ATP8B3: variants seen among roughly 807,000 people sequenced by gnomAD.
ATP8B3 encodes the protein phospholipid-transporting ATPase IK.
ATP8B3 carries 141 observed loss-of-function variants against 140.9 expected under a neutral mutation model. The observed-to-expected ratio is 1.00, with a 90% CI of 0.87 to 1.15. ATP8B3 has a LOEUF of 1.15. ATP8B3 is among the 50% of genes most tolerant of loss of function. The pLI is 0.00. For missense variants in ATP8B3, 1,874 were observed against 1,740.6 expected (o/e 1.08, Z -1.36); for synonymous variants, 765 against 714.6 (o/e 1.07, Z -1.13).
rs376990759 is a variant in ATP8B3, at chr19:1,800,118, C to G, written c.1381G>C (p.Asp461His). 3 of 1,561,112 alleles carry G rather than the reference C, an allele frequency of 1.9e-6. No individual in the cohort carries two copies. Among genetic ancestry groups the G allele is most frequent in the South Asian group, 1.2e-5 (1 of 85,102 alleles). Residue 461 changes from aspartate (D) to histidine (H), a missense_variant, in exon 14 of 29, where the codon GAC becomes CAC. By Grantham distance (81) the Asp-to-His change is moderately conservative (BLOSUM62 -1). Around this residue, in one of 3 missense-constraint regions of ATP8B3, gnomAD observed 1,032 missense variants for 963.6 expected, o/e 1.07. Transcript: ENST00000310127. This position sits in a 1 kb window ranked among gnomAD's most constrained non-coding sequence, Gnocchi z 4.4. ...TTGTAGTACATCTGCACGTCCCAGT[C>G]GATGAAGACGCTGTTCCCCAGGTAG... ...FIYLGNSVFI[D>H]WDVQMYYKPQ...
At position 1,782,261 on chromosome 19, in the gene ATP8B3, C is replaced by A; in HGVS notation, c.*767G>T. On this transcript the variant is annotated 3_prime_UTR_variant, in exon 29 of 29. Transcript: ENST00000310127. The stretch of plus-strand genomic sequence containing the variant: ...TCCTTTGGGCTCGAAGATGCCTCTT[C>A]ATCAGATGGGTCTAGGGATTCAGAT... 1 of 330,356 alleles carries A rather than the reference C, an allele frequency of 3.0e-6. No individual in the cohort carries two copies. The highest frequency in any genetic ancestry group is 5.7e-6 in the Non-Finnish European group (1 of 176,010). The allele number at this position is 330,356 out of a possible 1,614,324, so 20.5% of individuals were successfully genotyped here.
Position 1,785,190 on chromosome 19 carries a change from G to C in ATP8B3, c.3501C>G (p.Phe1167Leu). The part of the protein sequence containing the change: ...MTTTTQSFWL[F>L]RVSPTTFPFL... ...ACGGGAAGGTCGTGGGGGATACTCT[G>C]AAGAGCCAGAAGCTCTGGGTGGTGG... Residue 1167 changes from phenylalanine to leucine, a missense_variant, in exon 27 of 29, where the codon TTC becomes TTG. Physicochemically the swap from Phe to Leu is conservative, Grantham distance 22. This residue lies in a region of ATP8B3 where 840 missense variants were observed against 760.9 expected (regional missense o/e 1.10). Transcript: ENST00000310127. 1.3e-6 allele frequency: 2 copies of C among 1,598,612 alleles called. No individual in the cohort carries two copies. The highest frequency in any genetic ancestry group is 1.1e-5 in the South Asian group (1 of 88,586).
rs1600403751 is a variant in ATP8B3, at chr19:1,789,683, C to T, written c.2523G>A (p.Ala841=). The change falls in exon 23 of 29, where the codon GCG becomes GCA. Residue 841 remains alanine, a synonymous_variant. Transcript: ENST00000310127. The part of the protein sequence containing the change: ...VSLRKEPRAL[A]QNVNMDEAWQ... ...ACGCCTCGTCCATGTTCACGTTCTG[C>T]GCCAGGGCGCGCGGCTCCTTCCGCA... is the stretch of plus-strand genomic sequence containing the variant. The T allele has an allele frequency of 3.8e-6, 6 of 1,593,604 alleles. No homozygotes were observed. Among genetic ancestry groups the T allele is most frequent in the Middle Eastern group, 1.8e-4 (1 of 5,690 alleles).
At chr19:1,789,249 G>A in intron 23 of ATP8B3, 112 bp downstream of exon 23, 1 of 1,055,924 alleles carries the variant, frequency 9.5e-7, no homozygotes, top group South Asian at 1.6e-5. Flanking sequence ...TCCCACCGCC[G>A]CCTCCATCAG....
At position 1,794,734 on chromosome 19, in the gene ATP8B3, C is replaced by T. The variant is rs181913412; in HGVS notation, c.2055+1141G>A. Among the ~76,000 whole-genome samples the T allele has an allele frequency of 6.6e-6, 1 of 152,224 alleles. No homozygotes were observed. The highest frequency in any genetic ancestry group is 1.9e-4 in the East Asian group (1 of 5,170). On this transcript the variant is annotated intron_variant, in intron 18 of 28. Coordinates refer to ENST00000310127, the MANE Select transcript of ATP8B3 (RefSeq NM_138813.4). This position sits in a 1 kb window ranked among gnomAD's most constrained non-coding sequence, Gnocchi z 4.8. ...CATGTGCAAAGGTGCCAAGGCAGCA[C>T]CTGAGAGTGGGGAAGTCACAAGCCA...
At chr19:1,799,488 G>A (rs1223003894) in intron 14 of ATP8B3, 6 of 264,548 alleles carry the variant, frequency 2.3e-5, no homozygotes, top group East Asian at 2.1e-4. Flanking sequence ...AAAGTCGGCC[G>A]GGCGTGGTGG....
At position 1,785,249 on chromosome 19, in the gene ATP8B3, G is replaced by T; in HGVS notation, c.3442C>A (p.Leu1148Ile). ...ATGGCGTAGAAACCAAGGCTGAGGA[G>T]GATGGTCGCCACGCACAGGGCGGTC... ...YWTALCVATILLSLGFYAIMT... is the reference protein window; with the variant it reads ...YWTALCVATIILSLGFYAIMT... Residue 1148 changes from leucine (L) to isoleucine (I), a missense_variant, in exon 27 of 29, where the codon CTC becomes ATC. By Grantham distance (5) the Leu-to-Ile change is conservative. This residue lies in a region of ATP8B3 where 840 missense variants were observed against 760.9 expected (regional missense o/e 1.10). Transcript: ENST00000310127. The T allele has an allele frequency of 1.2e-6, 2 of 1,609,954 alleles. No individual in the cohort carries two copies. The highest frequency in any genetic ancestry group is 2.2e-5 in the South Asian group (2 of 90,394).
At chr19:1,799,261 C>T (rs1001811029) in intron 14 of ATP8B3, 3 of 151,832 alleles carry the variant, frequency 2.0e-5, no homozygotes, top group African/African-American at 7.3e-5. Context: ...AGTTCGAGAC[C>T]AGCCTGGGAA....
intron 22 of ATP8B3, 58 bp downstream of exon 22, chr19:1,789,832 C>G (rs2068435673): frequency 1.6e-5 from 25 of 1,596,370 alleles, no homozygotes; most frequent in Non-Finnish European, 2.1e-5. Context: ...GAGCCCGCCG[C>G]CCCTCCAGGC....
At position 1,794,735 on chromosome 19, in the gene ATP8B3, C is replaced by CT. The variant is rs1462885871; in HGVS notation, c.2055+1139dup. ...ATGTGCAAAGGTGCCAAGGCAGCAC[C>CT]TGAGAGTGGGGAAGTCACAAGCCAG... On this transcript the variant is annotated intron_variant, in intron 18 of 28. Transcript: ENST00000310127. This position sits in a 1 kb window ranked among gnomAD's most constrained non-coding sequence, Gnocchi z 4.8. Among the ~76,000 whole-genome samples, 2 of 152,132 alleles carry CT rather than the reference C, an allele frequency of 1.3e-5. No homozygotes were observed. Among genetic ancestry groups the CT allele is most frequent in the African/African-American group, 4.8e-5 (2 of 41,438 alleles).
Position 1,802,616 on chromosome 19 carries a change from G to T in ATP8B3, c.934C>A (p.Arg312=). 6.2e-7 allele frequency: 1 copy of T among 1,611,570 alleles called. No individual in the cohort carries two copies. Among genetic ancestry groups the T allele is most frequent in the Non-Finnish European group, 8.5e-7 (1 of 1,179,478 alleles). ...GTVTCEAPNS[R]MHHFVGCLEW... The stretch of plus-strand genomic sequence containing the variant: ...AGGCACCCCACGAAGTGGTGCATCC[G>T]ACTGTTAGGCGCCTCACACGTCACT... The change falls in exon 11 of 29, where the codon CGG becomes AGG. Residue 312 remains arginine, a synonymous_variant. Coordinates refer to ENST00000310127, the MANE Select transcript of ATP8B3 (RefSeq NM_138813.4).
rs779805094 is a variant in ATP8B3 at position 1,811,782 on chromosome 19, G to T, written c.-46C>A. On this transcript the variant is annotated 5_prime_UTR_variant, in exon 2 of 29. Coordinates refer to ENST00000310127, the MANE Select transcript of ATP8B3 (RefSeq NM_138813.4). ...AGGTTCAGGGCGAAGAGGGGTTTAGGCTGTGGGACGGGGGAGAGGTGGGGG... is the reference window on the plus strand; with the variant it reads ...AGGTTCAGGGCGAAGAGGGGTTTAGTCTGTGGGACGGGGGAGAGGTGGGGG... 5.2e-6 allele frequency: 8 copies of T among 1,530,948 alleles called. No individual in the cohort carries two copies. Among genetic ancestry groups the T allele is most frequent in the Non-Finnish European group, 7.0e-6 (8 of 1,144,310 alleles). The allele number at this position is 1,530,948 out of a possible 1,614,324, so 94.8% of individuals were successfully genotyped here.
intron 25 of ATP8B3, 22 bp downstream of exon 25, chr19:1,787,081 G>A: frequency 1.9e-6 from 3 of 1,562,460 alleles, no homozygotes; most frequent in Non-Finnish European, 2.6e-6. Context: ...CTGGAAGGAA[G>A]ACCCGGCCTT....
Position 1,782,361 on chromosome 19 carries a change from C to A in ATP8B3, c.*667G>T. 2 of 271,238 alleles carry A rather than the reference C, an allele frequency of 7.4e-6. No homozygotes were observed. The highest frequency in any genetic ancestry group is 2.2e-4 in the South Asian group (2 of 8,928). 16.8% of individuals were successfully genotyped at this position (271,238 alleles called of 1,614,324 possible). ...TCCTCTGGGGGCAAGGATAGCTGCTCCTCCCCGGGCACCAGCAGCCACTCC... is the reference window on the plus strand; with the variant it reads ...TCCTCTGGGGGCAAGGATAGCTGCTACTCCCCGGGCACCAGCAGCCACTCC... On this transcript the variant is annotated 3_prime_UTR_variant, in exon 29 of 29. Coordinates refer to ENST00000310127, the MANE Select transcript of ATP8B3 (RefSeq NM_138813.4).
At chr19:1,783,424 G>A (rs189203564) in intron 28 of ATP8B3, among the ~76,000 whole-genome samples, 154 bp from the exon 29 acceptor site, 4 of 152,234 alleles carry the variant, frequency 2.6e-5, no homozygotes, top group East Asian at 3.9e-4. Context: ...TAGAGTCCTC[G>A]ACTCTCAGTG....
Position 1,792,102 on chromosome 19 carries a change from G to T in ATP8B3, c.2089C>A (p.Leu697Met). 1 of 1,576,590 alleles carries T rather than the reference G, an allele frequency of 6.3e-7. No homozygotes were observed. Among genetic ancestry groups the T allele is most frequent in the Non-Finnish European group, 8.6e-7 (1 of 1,165,952 alleles). The change falls in exon 19 of 29, where the codon CTG becomes ATG. Residue 697 changes from leucine to methionine, a missense_variant. Physicochemically the swap from Leu to Met is conservative, Grantham distance 15. Around this residue, in one of 3 missense-constraint regions of ATP8B3, gnomAD observed 1,032 missense variants for 963.6 expected, o/e 1.07. Transcript: ENST00000310127. ...TCCTCAGCCACCTCCCTGTAGGCCA[G>T]GCACAGTGTCCGCAGGGTCTCCTGG... ...FAQETLRTLCLAYREVAEDIY... is the reference protein window; with the variant it reads ...FAQETLRTLCMAYREVAEDIY...
rs747574419 is a variant in ATP8B3, at chr19:1,807,173, C to T, written c.610G>A (p.Asp204Asn). 14 of 1,612,000 alleles carry T rather than the reference C, an allele frequency of 8.7e-6. No individual in the cohort carries two copies. Among genetic ancestry groups the T allele is most frequent in the Admixed American group, 3.3e-5 (2 of 59,982 alleles). The change falls in exon 6 of 29, where the codon GAC (aspartate) becomes AAC (asparagine). Residue 204 changes from aspartate to asparagine, a missense_variant. By Grantham distance (23) the Asp-to-Asn change is conservative. Around this residue, in one of 3 missense-constraint regions of ATP8B3, gnomAD observed 1,032 missense variants for 963.6 expected, o/e 1.07. Coordinates refer to ENST00000310127, the MANE Select transcript of ATP8B3 (RefSeq NM_138813.4). The surrounding 1 kb of genome is among the most constrained non-coding windows in gnomAD (Gnocchi z 5.9). Reference protein sequence around the residue: ...FIRATRDLVDDMGRHKSDRAI... With the variant: ...FIRATRDLVDNMGRHKSDRAI... ...CTGCATCCAACAGCACTCACCATGT[C>T]GTCCACCAGGTCCCGGGTGGCACGG... is the stretch of plus-strand genomic sequence containing the variant.
At chr19:1,809,819 C>T (rs1316092067) in intron 3 of ATP8B3, 85 bp from the exon 4 acceptor site, 6 of 1,279,028 alleles carry the variant, frequency 4.7e-6, no homozygotes, top group Admixed American at 2.0e-5. Flanking sequence ...GCTCATGGGG[C>T]CCGTGGGACC....
intron 3 of ATP8B3, 39 bp from the exon 4 acceptor site, chr19:1,809,773 C>T (rs2069135533): frequency 6.4e-7 from 1 of 1,552,742 alleles, no homozygotes; most frequent in Non-Finnish European, 8.7e-7. Context: ...AGCTCGAGGC[C>T]CAGGACAAAC....
Sources: gnomAD v4.1 joint callset for allele counts (sites outside exome capture counted in the v4.1 genomes callset) on GRCh38, gnomAD v4.1.1 for gene constraint, gnomAD v4.1.1 regional missense constraint, Gnocchi (gnomAD v3.1) non-coding constraint, MANE v1.5 for transcripts, NCBI Gene and HGNC (gene_info 2026-07-23, HGNC 2026-07-21) for gene names.